Variants in GPR137B observed in about 807,000 individuals in gnomAD.
GPR137B encodes the protein G protein-coupled receptor 137B, also known as integral membrane protein GPR137B.
GPR137B carries 42 observed loss-of-function variants against 42.5 expected under a neutral mutation model. The ratio of observed to expected loss-of-function variants is 0.99; its 90% CI spans 0.77 to 1.28. The LOEUF (loss-of-function observed/expected upper bound fraction) is 1.28, where lower values mean the gene tolerates loss of function less well. Among genes scored for constraint, GPR137B ranks in the 50% most tolerant of loss-of-function variants. GPR137B has a pLI of 0.00. For missense variants in GPR137B, 487 were observed against 493.9 expected (o/e 0.99, Z 0.13); for synonymous variants, 218 against 209.7 (o/e 1.04, Z -0.34).
intron 1 of GPR137B, among the ~76,000 whole-genome samples, chr1:236,157,425 G>A (rs1165140678): frequency 4.6e-5 from 7 of 151,974 alleles, no homozygotes; most frequent in South Asian, 2.1e-4. Flanking sequence ...GGGTTTCACC[G>A]TGTTAGCCAG....
intron 1 of GPR137B, among the ~76,000 whole-genome samples, chr1:236,154,163 C>A (rs1661946600): frequency 6.6e-6 from 1 of 152,120 alleles, no homozygotes; most frequent in Non-Finnish European, 1.5e-5. Flanking sequence ...GTGGAAGCCC[C>A]CAGACTCCGT....
At chr1:236,189,296 G>T (rs1479329702) in intron 5 of GPR137B, among the ~76,000 whole-genome samples, 5 of 151,872 alleles carry the variant, frequency 3.3e-5, no homozygotes, top group Non-Finnish European at 7.4e-5. Context: ...GATTTTTTTT[G>T]AAGGGTTTTT....
At chr1:236,168,163 A>G (rs1044826484) in intron 1 of GPR137B, among the ~76,000 whole-genome samples, 1 of 152,176 alleles carries the variant, frequency 6.6e-6, no homozygotes, top group African/African-American at 2.4e-5. Flanking sequence ...GTGGTGGCTC[A>G]CACCTGTAAT....
At chr1:236,177,693 T>C (rs1404521105) in intron 2 of GPR137B, among the ~76,000 whole-genome samples, 4 of 151,942 alleles carry the variant, frequency 2.6e-5, no homozygotes. Context: ...GTAGCTGGGA[T>C]TACAAGTGCG....
At chr1:236,205,464 C>T (rs1663629374) in intron 6 of GPR137B, among the ~76,000 whole-genome samples, 1 of 152,140 alleles carries the variant, frequency 6.6e-6, no homozygotes, top group African/African-American at 2.4e-5. Flanking sequence ...TTATTGTATA[C>T]AGTAGTGTTT....
intron 1 of GPR137B, among the ~76,000 whole-genome samples, chr1:236,164,794 A>G (rs974889962): frequency 1.3e-4 from 20 of 152,158 alleles, no homozygotes; most frequent in Non-Finnish European, 1.3e-4. Context: ...CAGGAATTCA[A>G]ACACAACTTT....
At chr1:236,204,720 TAGTTAGGTAG>T (rs1056229498) in intron 5 of GPR137B, among the ~76,000 whole-genome samples, 2 of 152,164 alleles carry the variant, frequency 1.3e-5, no homozygotes, top group African/African-American at 4.8e-5. Context: ...AGAGAAATTC[TAGTTAGGTAG>T]AATAAAAGAC....
chr1:236,198,047 T>C (rs1010583417), intron 5 of GPR137B, among the ~76,000 whole-genome samples: 4 of 152,036 alleles, frequency 2.6e-5, no homozygotes, highest in African/African-American at 9.7e-5. Flanking sequence ...ATACGAGTAC[T>C]ATGCTGTTTT....
chr1:236,196,800 T>C (rs1663350488), intron 5 of GPR137B, among the ~76,000 whole-genome samples: 1 of 152,220 alleles, frequency 6.6e-6, no homozygotes, highest in Non-Finnish European at 1.5e-5. Flanking sequence ...TTCCTTTTTA[T>C]GGCTGAGTAG....
chr1:236,144,852 A>G (rs1020519890), intron 1 of GPR137B, among the ~76,000 whole-genome samples: 2 of 152,258 alleles, frequency 1.3e-5, no homozygotes, highest in African/African-American at 4.8e-5. Flanking sequence ...AGGAAAATGC[A>G]GGGAACTGCC....
chr1:236,172,354 A>C (rs1662562279), intron 2 of GPR137B, among the ~76,000 whole-genome samples: 1 of 152,234 alleles, frequency 6.6e-6, no homozygotes, highest in Admixed American at 6.5e-5. Context: ...GAAATAAAAC[A>C]TGAGCCATTA....
intron 1 of GPR137B, 148 bp from the exon 2 acceptor site, chr1:236,168,558 G>A: frequency 3.1e-6 from 2 of 648,646 alleles, no homozygotes; most frequent in South Asian, 1.8e-5. Flanking sequence ...CATAAGAAAT[G>A]TTTGGCATAA....
chr1:236,144,769 G>C (rs1177425399), intron 1 of GPR137B, among the ~76,000 whole-genome samples: 1 of 152,268 alleles, frequency 6.6e-6, no homozygotes, highest in Non-Finnish European at 1.5e-5. Context: ...GTTACCCTAA[G>C]AACTGTGACA....
At position 236,206,899 on chromosome 1, in the gene GPR137B, G is replaced by A. The variant is rs932363261; in HGVS notation, c.1092-1151G>A. Among the ~76,000 whole-genome samples, 4 of 152,146 alleles carry A rather than the reference G, an allele frequency of 2.6e-5. 1 individual carries two copies. Among genetic ancestry groups the A allele is most frequent in the South Asian group, 2.1e-4 (1 of 4,826 alleles). The stretch of plus-strand genomic sequence containing the variant: ...TGCCAAGCCTGTCTTCTCTCTGCTT[G>A]TCCTCTCAGGACCCCCATCCTGTTC... On this transcript the variant is annotated intron_variant, in intron 6 of 6. Transcript: ENST00000366592.
In GPR137B at chr1:236,156,804, A is replaced by G. The variant is rs938592925; in HGVS notation, c.415-11902A>G. 1.3e-4 allele frequency among the ~76,000 whole-genome samples: 20 copies of G among 152,194 alleles called. No homozygotes were observed. The highest frequency in any genetic ancestry group is 4.6e-4 in the African/African-American group (19 of 41,452). On this transcript the variant is annotated intron_variant, in intron 1 of 6. Transcript: ENST00000366592. This position sits in a 1 kb window ranked among gnomAD's most constrained non-coding sequence, Gnocchi z 4.8. ...CCCTGGGGTTTGCATAATTTCCCCA[A>G]TATATCAGGAAGTGGGTAGCGCAGA...
chr1:236,175,612 G>A (rs1044612688), intron 2 of GPR137B, among the ~76,000 whole-genome samples: 1 of 152,212 alleles, frequency 6.6e-6, no homozygotes, highest in African/African-American at 2.4e-5. Flanking sequence ...ACTCCCAAGC[G>A]GCCCTGCCTT....
chr1:236,158,524 A>G (rs1336004310), intron 1 of GPR137B, among the ~76,000 whole-genome samples: 1 of 152,240 alleles, frequency 6.6e-6, no homozygotes, highest in Non-Finnish European at 1.5e-5. Context: ...TTGTATATAC[A>G]TAAATTATTT....
intron 2 of GPR137B, among the ~76,000 whole-genome samples, chr1:236,174,944 A>G (rs1397600727): frequency 6.6e-6 from 1 of 152,224 alleles, no homozygotes; most frequent in Non-Finnish European, 1.5e-5. Context: ...TCTGGAACTC[A>G]GATCAAAGGC....
intron 1 of GPR137B, among the ~76,000 whole-genome samples, chr1:236,160,005 A>G (rs1371242201): frequency 6.6e-6 from 1 of 152,084 alleles, no homozygotes; most frequent in Non-Finnish European, 1.5e-5. Flanking sequence ...AGCCAGCATC[A>G]CCCACAGCGT....
Sources: allele counts gnomAD v4.1 joint callset (sites outside exome capture counted in the v4.1 genomes callset), GRCh38; gene constraint gnomAD v4.1.1; non-coding constraint Gnocchi (gnomAD v3.1); transcripts MANE v1.5; gene names NCBI Gene and HGNC (gene_info 2026-07-23, HGNC 2026-07-21).